Variants in RGS7 observed in about 807,000 individuals in gnomAD.
The protein encoded by RGS7 is regulator of G-protein signaling 7.
A neutral mutation model predicts 81.1 loss-of-function variants in RGS7; 27 were observed. That is an observed-to-expected ratio of 0.33 (90% CI 0.25 to 0.46). The LOEUF (loss-of-function observed/expected upper bound fraction) is 0.46. RGS7 is among the 20% of genes least tolerant of loss of function. RGS7 has a pLI of 1.00. For synonymous variants in RGS7, 208 were observed against 207.7 expected (o/e 1.00, Z -0.01); for missense variants, 396 against 607.4 (o/e 0.65, Z 3.66).
intron 4 of RGS7, among the ~76,000 whole-genome samples, chr1:240,968,232 G>A (rs1682646627): frequency 6.6e-6 from 1 of 152,196 alleles, no homozygotes; most frequent in Non-Finnish European, 1.5e-5. Flanking sequence ...TAAAACAAAT[G>A]AGTAAGCCTC....
Position 240,811,427 on chromosome 1 carries a change from C to G in RGS7, c.1082+491G>C, listed in dbSNP as rs1277112883. Reference sequence around the variant, plus strand: ...TCAATGCTGTGCTGCTCTCAATTGCCCTGTGGCTATTATTTAAACATGCAA... The same window carrying G: ...TCAATGCTGTGCTGCTCTCAATTGCGCTGTGGCTATTATTTAAACATGCAA... On this transcript the variant is annotated intron_variant, in intron 14 of 18. Transcript: ENST00000440928. Among the ~76,000 whole-genome samples, 7 of 152,190 alleles carry G rather than the reference C, an allele frequency of 4.6e-5. No individual in the cohort carries two copies. In the East Asian group the frequency reaches 1.3e-3, roughly 29 times the overall value.
intron 18 of RGS7, among the ~76,000 whole-genome samples, chr1:240,792,251 T>G (rs1438305471): frequency 6.6e-6 from 1 of 152,194 alleles, no homozygotes; most frequent in Non-Finnish European, 1.5e-5. Flanking sequence ...CTAAAAAGTT[T>G]ATTGGTGCTA....
intron 2 of RGS7, among the ~76,000 whole-genome samples, chr1:241,133,353 T>C (rs746474236): frequency 4.1e-4 from 62 of 151,610 alleles, no homozygotes; most frequent in Non-Finnish European, 2.4e-4. Context: ...CCCATTTTAA[T>C]GGGATGTATA....
intron 6 of RGS7, among the ~76,000 whole-genome samples, chr1:240,888,706 A>G (rs951050668): frequency 6.6e-6 from 1 of 152,064 alleles, no homozygotes; most frequent in African/African-American, 2.4e-5. Context: ...GGTGCTATCA[A>G]CTTTCCCATT....
At chr1:241,003,530 A>ACT (rs1252231277) in intron 3 of RGS7, among the ~76,000 whole-genome samples, 1 of 151,600 alleles carries the variant, frequency 6.6e-6, no homozygotes, top group East Asian at 1.9e-4. Flanking sequence ...TGATGTGAGC[A>ACT]CTTCCCTAAG....
At chr1:241,356,256 C>T (rs1025137668) in intron 1 of RGS7, among the ~76,000 whole-genome samples, 2 of 152,098 alleles carry the variant, frequency 1.3e-5, no homozygotes, top group Non-Finnish European at 2.9e-5. Flanking sequence ...AGCACACTTT[C>T]TCCTAGGTAT....
At chr1:240,853,900 CAAAAAA>C (rs35471716) in intron 9 of RGS7, among the ~76,000 whole-genome samples, 214 of 22,214 alleles carry the variant, frequency 9.6e-3, no homozygotes, top group African/African-American at 0.033. Context: ...GACTCCGTCT[CAAAAAA>C]AAAAAAAAAA....
chr1:241,239,444 A>T (rs1430983805), intron 2 of RGS7, among the ~76,000 whole-genome samples: 1 of 152,074 alleles, frequency 6.6e-6, no homozygotes, highest in African/African-American at 2.4e-5. Flanking sequence ...AAATCTCATC[A>T]TGTCCCCCCT....
chr1:240,954,971 G>A (rs536294023), intron 4 of RGS7, among the ~76,000 whole-genome samples: 3 of 152,254 alleles, frequency 2.0e-5, no homozygotes, highest in African/African-American at 7.2e-5. Flanking sequence ...ATTGGAACTT[G>A]AATTTAACAA....
intron 2 of RGS7, among the ~76,000 whole-genome samples, chr1:241,287,489 A>G (rs1401032115): frequency 1.3e-5 from 2 of 152,192 alleles, no homozygotes; most frequent in African/African-American, 2.4e-5. Flanking sequence ...TTCTGCCATG[A>G]TTATGAGGCT....
chr1:240,989,749 C>A (rs1255484880), intron 3 of RGS7, among the ~76,000 whole-genome samples: 1 of 151,920 alleles, frequency 6.6e-6, no homozygotes, highest in Non-Finnish European at 1.5e-5. Context: ...ACAACAACAA[C>A]AAAATTTAAG....
intron 2 of RGS7, among the ~76,000 whole-genome samples, chr1:241,291,956 G>T (rs1230811308): frequency 6.6e-6 from 1 of 152,080 alleles, no homozygotes. Context: ...CTGTGTCATG[G>T]CCTCTTTAAT....
At chr1:241,306,655 CAAAT>C (rs1344734916) in intron 2 of RGS7, among the ~76,000 whole-genome samples, 2 of 140,440 alleles carry the variant, frequency 1.4e-5, no homozygotes, top group African/African-American at 5.1e-5. Context: ...CTTTCACACA[CAAAT>C]ACATGTCCAC....
chr1:241,113,142 T>C (rs2102961319), intron 2 of RGS7, among the ~76,000 whole-genome samples: 1 of 152,328 alleles, frequency 6.6e-6, no homozygotes, highest in South Asian at 2.1e-4. Context: ...GGCTCTTTTA[T>C]ATCCACCACA....
intron 5 of RGS7, among the ~76,000 whole-genome samples, chr1:240,931,209 C>T (rs140070328): frequency 1.2e-4 from 19 of 152,216 alleles, no homozygotes; most frequent in Admixed American, 1.0e-3. Flanking sequence ...CTCAACCAAC[C>T]GATAGACTCT....
intron 6 of RGS7, among the ~76,000 whole-genome samples, chr1:240,891,007 T>C (rs973391519): frequency 2.4e-4 from 36 of 152,172 alleles, no homozygotes; most frequent in African/African-American, 8.7e-4. Flanking sequence ...AAGGAAAGGA[T>C]AGTGACATCA....
At chr1:241,313,834 G>T (rs2080698393) in intron 2 of RGS7, among the ~76,000 whole-genome samples, 1 of 152,176 alleles carries the variant, frequency 6.6e-6, no homozygotes, top group Non-Finnish European at 1.5e-5. Flanking sequence ...ACAGAAGTTT[G>T]CATGAAGTTG....
intron 2 of RGS7, among the ~76,000 whole-genome samples, chr1:241,139,189 TTC>T (rs34567928): frequency 0.21 from 32,155 of 150,280 alleles, 3,476 homozygotes; most frequent in African/African-American, 0.23. Context: ...CCCTCCCTTC[TTC>T]TCTCTTTCCT....
At chr1:241,284,444 G>T (rs1365265533) in intron 2 of RGS7, among the ~76,000 whole-genome samples, 1 of 152,090 alleles carries the variant, frequency 6.6e-6, no homozygotes, top group Non-Finnish European at 1.5e-5. Context: ...AATGATACCA[G>T]AGTGGTGATG....
Sources: allele counts gnomAD v4.1 joint callset (sites outside exome capture counted in the v4.1 genomes callset), GRCh38; gene constraint gnomAD v4.1.1; transcripts MANE v1.5; gene names NCBI Gene and HGNC (gene_info 2026-07-23, HGNC 2026-07-21).